CPS1: variants seen among roughly 807,000 people sequenced by gnomAD.
CPS1 encodes the protein carbamoyl-phosphate synthase 1.
Under a neutral mutation model 174.6 loss-of-function variants are expected in CPS1, and 109 were observed. The observed-to-expected ratio is 0.62, with a 90% CI of 0.53 to 0.73. CPS1 has a LOEUF of 0.73. Ranked by LOEUF, CPS1 falls within the 30% of genes least tolerant of loss-of-function variation. CPS1 has a pLI of 0.00. For missense variants in CPS1, 1,689 were observed against 1,821.9 expected, an observed-to-expected ratio of 0.93 and a Z score of 1.33; for synonymous variants, 637 against 632.0, an observed-to-expected ratio of 1.01 and a Z score of -0.12.
chr2:210,579,012 C>T (rs536240517), intron 4 of CPS1, among the ~76,000 whole-genome samples: 5 of 152,164 alleles, frequency 3.3e-5, no homozygotes, highest in Non-Finnish European at 5.9e-5. Context: ...AAGATAATAA[C>T]CAGTTCACCT....
chr2:210,599,351 G>A (rs951479524), intron 13 of CPS1, 21 bp from the exon 14 acceptor site: 2 of 1,608,404 alleles, frequency 1.2e-6, no homozygotes, highest in East Asian at 2.2e-5. Context: ...TTCATGTACT[G>A]GATTCTTTTG....
Position 210,538,367 on chromosome 2 carries a change from A to G in CPS1, c.4-18352A>G, listed in dbSNP as rs569175087. ...CCTACTTTTGTATATTACAGATTGC[A>G]TGAAATAGCCCAGAATGGAGGTTCA... is the stretch of plus-strand genomic sequence containing the variant. On this transcript the variant is annotated intron_variant, in intron 1 of 38. Coordinates refer to the CPS1 transcript ENST00000430249. Among the ~76,000 whole-genome samples, 153 of 152,256 alleles carry G rather than the reference A, an allele frequency of 1.0e-3. 2 individuals carry two copies. The highest frequency in any genetic ancestry group is 1.9e-4 in the East Asian group (1 of 5,180).
At chr2:210,499,267 T>C (rs1695079950) in intron 1 of CPS1, among the ~76,000 whole-genome samples, 1 of 152,088 alleles carries the variant, frequency 6.6e-6, no homozygotes, top group Non-Finnish European at 1.5e-5. Context: ...AGGGACCCAC[T>C]GCACCGTGAT....
chr2:210,479,048 T>A (rs1396981485), intron 1 of CPS1, among the ~76,000 whole-genome samples: 1 of 151,754 alleles, frequency 6.6e-6, no homozygotes, highest in Non-Finnish European at 1.5e-5. Flanking sequence ...TATTTAACAT[T>A]TATTGTTTGT....
intron 5 of CPS1, among the ~76,000 whole-genome samples, chr2:210,581,348 T>C (rs1697917627): frequency 1.3e-5 from 2 of 152,296 alleles, no homozygotes; most frequent in South Asian, 2.1e-4. Context: ...CCTTTTATCA[T>C]AGGCAGTTAG....
At chr2:210,610,668 C>T (rs771326905) in intron 19 of CPS1, among the ~76,000 whole-genome samples, 6 of 151,720 alleles carry the variant, frequency 4.0e-5, no homozygotes, top group South Asian at 2.1e-4. Flanking sequence ...GGTGGGAGGA[C>T]GACTTGAGCC....
At chr2:210,599,780 T>C (rs1296463111) in intron 14 of CPS1, among the ~76,000 whole-genome samples, 1 of 151,966 alleles carries the variant, frequency 6.6e-6, no homozygotes, top group Non-Finnish European at 1.5e-5. Flanking sequence ...CCTTTCACTT[T>C]AATGCTCCAG....
At chr2:210,479,501 G>T (rs928366559) in intron 1 of CPS1, among the ~76,000 whole-genome samples, 1 of 151,982 alleles carries the variant, frequency 6.6e-6, no homozygotes, top group Non-Finnish European at 1.5e-5. Flanking sequence ...GCTAATTTTT[G>T]TATTTTCAGT....
chr2:210,666,335 A>T (rs1701095647), intron 33 of CPS1, among the ~76,000 whole-genome samples: 1 of 149,624 alleles, frequency 6.7e-6, no homozygotes, highest in Middle Eastern at 3.4e-3. Flanking sequence ...GTTTAATTAG[A>T]TCCCATTTGT....
intron 7 of CPS1, 117 bp downstream of exon 7, chr2:210,588,264 T>G (rs1318279784): frequency 4.7e-6 from 4 of 852,210 alleles, no homozygotes; most frequent in Non-Finnish European, 7.9e-6. Flanking sequence ...GGGGTCTACA[T>G]TCTTCTTGTT....
chr2:210,594,495 T>C lies in CPS1; in HGVS notation c.1165-13T>C, dbSNP rs1190654290. On this transcript the variant is annotated splice_polypyrimidine_tract_variant and intron_variant, in intron 11 of 37. Transcript: ENST00000233072. ...TTTGAAGCTTCTAACTAGTTGGTTGTATTTTTTTCTAGTACCTGTTTGATT... is the reference window on the plus strand; with the variant it reads ...TTTGAAGCTTCTAACTAGTTGGTTGCATTTTTTTCTAGTACCTGTTTGATT... The C allele has an allele frequency of 1.3e-6, 2 of 1,584,508 alleles. No individual in the cohort carries two copies. Among genetic ancestry groups the C allele is most frequent in the South Asian group, 1.1e-5 (1 of 90,452 alleles).
At chr2:210,613,853 C>T (rs1699214002) in intron 20 of CPS1, among the ~76,000 whole-genome samples, 1 of 151,846 alleles carries the variant, frequency 6.6e-6, no homozygotes, top group South Asian at 2.1e-4. Flanking sequence ...ATTGCCTGCT[C>T]GAGTGCTGGG....
chr2:210,667,701 G>T (rs1179783085), intron 33 of CPS1, among the ~76,000 whole-genome samples: 2 of 152,092 alleles, frequency 1.3e-5, no homozygotes, highest in African/African-American at 4.8e-5. Context: ...CTATGAAATG[G>T]CTCCAAACCA....
In CPS1 at chr2:210,590,904, C is replaced by T. The variant is rs761974037; in HGVS notation, c.945C>T (p.Asn315=). The T allele has an allele frequency of 3.1e-6, 5 of 1,609,978 alleles. No homozygotes were observed. In the South Asian group the frequency reaches 4.4e-5, roughly 14 times the overall value. The part of the protein sequence containing the change: ...GAKTYKMSMA[N]RGQNQPVLNI... ...AAACCTACAAGATGTCCATGGCCAACAGGTGAGGTATTTTCACTTTTGCTT... is the reference window on the plus strand; with the variant it reads ...AAACCTACAAGATGTCCATGGCCAATAGGTGAGGTATTTTCACTTTTGCTT... Residue 315 remains asparagine, a splice_region_variant and synonymous_variant, in exon 9 of 38, where the codon AAC becomes AAT. Transcript: ENST00000233072.
chr2:210,481,731 C>G (rs1694575723), intron 1 of CPS1, among the ~76,000 whole-genome samples: 1 of 152,190 alleles, frequency 6.6e-6, no homozygotes, highest in Non-Finnish European at 1.5e-5. Context: ...TTCATTTTTC[C>G]TTTCTATTTG....
At chr2:210,496,885 T>G (rs1157885584) in intron 1 of CPS1, among the ~76,000 whole-genome samples, 1 of 152,216 alleles carries the variant, frequency 6.6e-6, no homozygotes, top group African/African-American at 2.4e-5. Flanking sequence ...TTTATTTTCC[T>G]TCATTGCATT....
chr2:210,478,039 A>C (rs1260347998), intron 1 of CPS1, among the ~76,000 whole-genome samples: 1 of 152,196 alleles, frequency 6.6e-6, no homozygotes, highest in Non-Finnish European at 1.5e-5. Flanking sequence ...TAACTTCCAT[A>C]CTACAAATAA....
Position 210,677,011 on chromosome 2 carries a change from A to G in CPS1, c.4279A>G (p.Ile1427Val). ...AGTTTTTGTTTATTTTTCCAGATTGATTAGAGATGGCAGCATTGACCTAGT... is the reference window on the plus strand; with the variant it reads ...AGTTTTTGTTTATTTTTCCAGATTGGTTAGAGATGGCAGCATTGACCTAGT... ...NPSLSSIRKL[I>V]RDGSIDLVIN... Residue 1427 changes from isoleucine (I) to valine (V), a missense_variant, in exon 37 of 38, where the codon ATT becomes GTT. Physicochemically the swap from Ile to Val is conservative, Grantham distance 29. Coordinates refer to ENST00000233072, the MANE Select transcript of CPS1 (RefSeq NM_001875.5). The G allele has an allele frequency of 6.2e-7, 1 of 1,613,522 alleles. No homozygotes were observed. The highest frequency in any genetic ancestry group is 1.1e-5 in the South Asian group (1 of 91,062).
At chr2:210,547,652 A>C (rs930716854) in intron 1 of CPS1, among the ~76,000 whole-genome samples, 5 of 152,082 alleles carry the variant, frequency 3.3e-5, no homozygotes, top group African/African-American at 1.2e-4. Context: ...AGATATTAAT[A>C]ATTTTCATTA....
Sources: gnomAD v4.1 joint callset for allele counts (sites outside exome capture counted in the v4.1 genomes callset) on GRCh38, gnomAD v4.1.1 for gene constraint, MANE v1.5 for transcripts, NCBI Gene and HGNC (gene_info 2026-07-23, HGNC 2026-07-21) for gene names.